The following FGF14 variants were observed in gnomAD, a reference collection of about 807,000 sequenced individuals.
The protein encoded by FGF14 is fibroblast growth factor homologous factor 4.
FGF14 carries 5 observed loss-of-function variants against 25.5 expected under a neutral mutation model. The observed-to-expected ratio is 0.20, with a 90% CI of 0.10 to 0.41. FGF14 has a LOEUF of 0.41. FGF14 is among the 10% of genes least tolerant of loss of function. The pLI, the probability that FGF14 is intolerant of heterozygous loss-of-function variation, is 1.00. For missense variants in FGF14, 222 were observed against 320.1 expected (o/e 0.69, Z 2.34); for synonymous variants, 138 against 118.3 (o/e 1.17, Z -1.08).
At chr13:101,967,931 A>G (rs977788335) in intron 1 of FGF14, among the ~76,000 whole-genome samples, 1 of 152,218 alleles carries the variant, frequency 6.6e-6, no homozygotes, top group Non-Finnish European at 1.5e-5. Flanking sequence ...CTGGTAACAG[A>G]GGTAACATTT....
intron 1 of FGF14, among the ~76,000 whole-genome samples, chr13:101,878,461 T>C (rs1241521971): frequency 2.0e-5 from 3 of 152,230 alleles, no homozygotes; most frequent in African/African-American, 7.2e-5. Flanking sequence ...TATGTGTTCC[T>C]GGTTAAGTAG....
intron 3 of FGF14, among the ~76,000 whole-genome samples, chr13:101,855,988 G>C (rs144364797): frequency 1.3e-5 from 2 of 150,652 alleles, no homozygotes; most frequent in Non-Finnish European, 3.0e-5. Context: ...CTTGTACAAT[G>C]TAATTTTAAA....
intron 3 of FGF14, among the ~76,000 whole-genome samples, chr13:101,788,265 G>A (rs1367190072): frequency 6.6e-6 from 1 of 152,134 alleles, no homozygotes; most frequent in East Asian, 1.9e-4. Flanking sequence ...GGGTGACCCA[G>A]TGATATGGGA....
At chr13:102,387,665 A>G (rs2058335950) in intron 1 of FGF14, among the ~76,000 whole-genome samples, 1 of 151,602 alleles carries the variant, frequency 6.6e-6, no homozygotes, top group Non-Finnish European at 1.5e-5. Flanking sequence ...TGGTGTACAG[A>G]TTATTTTCTC....
chr13:102,379,599 A>G (rs2058133440), intron 1 of FGF14, among the ~76,000 whole-genome samples: 1 of 152,040 alleles, frequency 6.6e-6, no homozygotes, highest in South Asian at 2.1e-4. Context: ...GTGGTCAAAC[A>G]TTTACTATGT....
At chr13:101,935,247 G>A (rs1376683149) in intron 1 of FGF14, among the ~76,000 whole-genome samples, 2 of 152,184 alleles carry the variant, frequency 1.3e-5, no homozygotes, top group African/African-American at 2.4e-5. Flanking sequence ...CCCCTTCAGG[G>A]CTACATCCAG....
intron 1 of FGF14, among the ~76,000 whole-genome samples, chr13:102,302,786 C>T (rs74688359): frequency 0.034 from 5,195 of 152,216 alleles, 127 homozygotes; most frequent in Middle Eastern, 0.058. Context: ...TCTCTACTCT[C>T]TCCACCAAAA....
chr13:101,947,360 C>T (rs2035874788), intron 1 of FGF14, among the ~76,000 whole-genome samples: 1 of 152,104 alleles, frequency 6.6e-6, no homozygotes, highest in South Asian at 2.1e-4. Flanking sequence ...ATAAATTGTT[C>T]TATGAAAAAG....
intron 1 of FGF14, among the ~76,000 whole-genome samples, chr13:102,200,877 C>A (rs547239550): frequency 1.3e-5 from 2 of 151,644 alleles, no homozygotes; most frequent in Admixed American, 1.3e-4. Context: ...ACAAGGCGGG[C>A]GGATCATGAG....
At chr13:101,728,821 C>T (rs1426522892) in intron 3 of FGF14, among the ~76,000 whole-genome samples, 1 of 152,126 alleles carries the variant, frequency 6.6e-6, no homozygotes, top group Non-Finnish European at 1.5e-5. Context: ...TGCCCAGAAC[C>T]TGGCTCACTG....
intron 1 of FGF14, among the ~76,000 whole-genome samples, chr13:102,289,027 C>T (rs1365169937): frequency 6.6e-6 from 1 of 151,966 alleles, no homozygotes; most frequent in African/African-American, 2.4e-5. Context: ...TATAGGATGT[C>T]ACTAAATTGA....
At chr13:102,063,375 G>C (rs967974639) in intron 1 of FGF14, among the ~76,000 whole-genome samples, 1 of 152,178 alleles carries the variant, frequency 6.6e-6, no homozygotes, top group Non-Finnish European at 1.5e-5. Flanking sequence ...AGCACTGTGA[G>C]AGGCCAAGAT....
chr13:102,272,079 C>T (rs1399465500), intron 1 of FGF14, among the ~76,000 whole-genome samples: 2 of 152,166 alleles, frequency 1.3e-5, no homozygotes, highest in East Asian at 1.9e-4. Flanking sequence ...CAACCCTGGC[C>T]GAATTTTTTG....
chr13:102,036,597 A>G (rs941377531), intron 1 of FGF14, among the ~76,000 whole-genome samples: 1 of 152,210 alleles, frequency 6.6e-6, no homozygotes, highest in African/African-American at 2.4e-5. Context: ...TACGGTATTT[A>G]TATGAAATTT....
At chr13:101,905,225 T>C (rs1237443195) in intron 1 of FGF14, among the ~76,000 whole-genome samples, 2 of 152,184 alleles carry the variant, frequency 1.3e-5, no homozygotes, top group Non-Finnish European at 2.9e-5. Context: ...GGATTATAAA[T>C]TATTCTACTA....
intron 1 of FGF14, among the ~76,000 whole-genome samples, chr13:102,111,720 AG>A (rs1409872758): frequency 2.0e-5 from 3 of 148,686 alleles, no homozygotes; most frequent in African/African-American, 7.8e-5. Context: ...TGTCTAAAAA[AG>A]AAAAAAAAAA....
chr13:102,283,936 A>T (rs1040240546), intron 1 of FGF14, among the ~76,000 whole-genome samples: 1 of 152,210 alleles, frequency 6.6e-6, no homozygotes, highest in African/African-American at 2.4e-5. Flanking sequence ...GGAATAATGC[A>T]TATATATGTC....
intron 1 of FGF14, among the ~76,000 whole-genome samples, chr13:101,889,344 G>A (rs9585803): frequency 0.38 from 57,080 of 151,916 alleles, 11,763 homozygotes; most frequent in African/African-American, 0.53. Flanking sequence ...TGTAGCACCC[G>A]GCTCCCAGGA....
intron 1 of FGF14, among the ~76,000 whole-genome samples, chr13:102,356,369 A>T (rs950382061): frequency 6.6e-6 from 1 of 152,244 alleles, no homozygotes; most frequent in Non-Finnish European, 1.5e-5. Context: ...AATTAGACAT[A>T]AATCTAGAAC....
Sources: gnomAD v4.1 joint callset for allele counts (sites outside exome capture counted in the v4.1 genomes callset) on GRCh38, gnomAD v4.1.1 for gene constraint, MANE v1.5 for transcripts, NCBI Gene and HGNC (gene_info 2026-07-23, HGNC 2026-07-21) for gene names.